BRPF1: variants seen among roughly 807,000 people sequenced by gnomAD.
The protein encoded by BRPF1 is peregrin.
In BRPF1, 15 loss-of-function variants were observed where a neutral mutation model predicts 115.0. The observed-to-expected ratio is 0.13, with a 90% CI of 0.09 to 0.20. The LOEUF (loss-of-function observed/expected upper bound fraction) is 0.20, where lower values mean the gene tolerates loss of function less well. BRPF1 is among the 10% of genes least tolerant of loss of function. The pLI is 1.00. For missense variants in BRPF1, 1,118 were observed against 1,638.3 expected, an observed-to-expected ratio of 0.68 and a Z score of 5.48; for synonymous variants, 647 against 619.8, an observed-to-expected ratio of 1.04 and a Z score of -0.65.
In BRPF1 at chr3:9,741,418, G is replaced by A. The variant is rs1366050757; in HGVS notation, c.1833G>A (p.Arg611=). The A allele has an allele frequency of 1.0e-5, 16 of 1,600,968 alleles. No homozygotes were observed. Among genetic ancestry groups the A allele is most frequent in the Non-Finnish European group, 1.4e-5 (16 of 1,172,302 alleles). Residue 611 remains arginine (R), a synonymous_variant, in exon 5 of 14, where the codon CGG becomes CGA. Coordinates refer to ENST00000383829, the MANE Select transcript of BRPF1 (RefSeq NM_001003694.2). ...TGCTCGTGGAATTGATCCGCAAGCGGGAAAAACTCAAAAGGGAGACGGTGA... is the reference window on the plus strand; with the variant it reads ...TGCTCGTGGAATTGATCCGCAAGCGAGAAAAACTCAAAAGGGAGACGGTGA... ...ARLLVELIRK[R]EKLKRETIKV...
chr3:9,734,829 A>T lies in BRPF1; in HGVS notation c.599+90A>T, dbSNP rs146140503. ...GGTGAGAGGCACAGATAGAAGAGTG[A>T]CAGGAATAAAGAATAGTGAAAGAAC... On this transcript the variant is annotated intron_variant, in intron 2 of 13. Transcript: ENST00000383829. The surrounding 1 kb of genome is among the most constrained non-coding windows in gnomAD (Gnocchi z 5.7). The T allele has an allele frequency of 7.4e-6, 11 of 1,486,158 alleles. No homozygotes were observed. The allele number at this position is 1,486,158 out of a possible 1,614,324, so 92.1% of individuals were successfully genotyped here.
rs1330136629 is a variant in BRPF1 at position 9,739,809 on chromosome 3, G to A, written c.1410G>A (p.Glu470=). ...GCGAGGGTGAGGAGGATGAAGATGA[G>A]GAGGAGGATGAGGGTAAGGGCTGGA... ...SHSEGEEDED[E]EEDEGKGWSS... is the part of the protein sequence containing the mutation. The change falls in exon 3 of 14, where the codon GAG becomes GAA. Residue 470 remains glutamate, a synonymous_variant. Coordinates refer to ENST00000383829, the MANE Select transcript of BRPF1 (RefSeq NM_001003694.2). 2 of 1,610,164 alleles carry A rather than the reference G, an allele frequency of 1.2e-6. No individual in the cohort carries two copies. Among genetic ancestry groups the A allele is most frequent in the African/African-American group, 2.7e-5 (2 of 74,828 alleles).
rs750360933 is a variant in BRPF1, at chr3:9,740,982, CA to C, written c.1722+42del. The C allele has an allele frequency of 6.3e-6, 10 of 1,578,534 alleles. No individual in the cohort carries two copies. The Admixed American group carries it at 1.8e-4, about 28-fold the overall frequency. ...CCCTGTGGGCTCTGGGAACTAGCGC[CA>C]GGGGGACGAAAACCAAAATTTGCAA... On this transcript the variant is annotated intron_variant, in intron 4 of 13. Coordinates refer to ENST00000383829, the MANE Select transcript of BRPF1 (RefSeq NM_001003694.2).
Position 9,745,717 on chromosome 3 carries a change from C to A in BRPF1, c.3205+8C>A, listed in dbSNP as rs2077113178. Reference sequence around the variant, plus strand: ...GCGGCGTGGGCCACAGCAGTAAGTTCCCTTGCCCAAGGCCAGGGATGCTGG... The same window carrying A: ...GCGGCGTGGGCCACAGCAGTAAGTTACCTTGCCCAAGGCCAGGGATGCTGG... On this transcript the variant is annotated splice_region_variant and intron_variant, in intron 11 of 13. Transcript: ENST00000383829. The surrounding 1 kb of genome is among the most constrained non-coding windows in gnomAD (Gnocchi z 5.1). 6.2e-7 allele frequency: 1 copy of A among 1,613,674 alleles called. No individual in the cohort carries two copies. The highest frequency in any genetic ancestry group is 8.5e-7 in the Non-Finnish European group (1 of 1,179,562).
At chr3:9,746,989 T>A (rs2077138484) in intron 13 of BRPF1, among the ~76,000 whole-genome samples, 177 bp from the exon 14 acceptor site, 1 of 152,082 alleles carries the variant, frequency 6.6e-6, no homozygotes. Flanking sequence ...CACCACACAG[T>A]ATAACTGTTG....
Position 9,743,506 on chromosome 3 carries a change from C to G in BRPF1, c.2312-72C>G. ...CCAGGGGGGATGAGTGGGTTTCTTG[C>G]TGCCTGCCCAGGTTCAAGGGGCCCT... On this transcript the variant is annotated intron_variant, in intron 7 of 13. Coordinates refer to ENST00000383829, the MANE Select transcript of BRPF1 (RefSeq NM_001003694.2). This position sits in a 1 kb window ranked among gnomAD's most constrained non-coding sequence, Gnocchi z 6.1. 1 of 1,506,600 alleles carries G rather than the reference C, an allele frequency of 6.6e-7. No homozygotes were observed. The highest frequency in any genetic ancestry group is 9.0e-7 in the Non-Finnish European group (1 of 1,112,592). The allele number at this position is 1,506,600 out of a possible 1,614,324, so 93.3% of individuals were successfully genotyped here. A position where few individuals can be genotyped will look rare whatever the true frequency, so the allele number is the denominator to read the frequency against.
chr3:9,745,421 G>GC lies in BRPF1; in HGVS notation c.3069-148dup. ...CCACCTCTGTTAGGTCATCAGCCTA[G>GC]CCCCTGTGGGTGTTTGAATTTGAAA... On this transcript the variant is annotated intron_variant, in intron 10 of 13. Transcript: ENST00000383829. The surrounding 1 kb of genome is among the most constrained non-coding windows in gnomAD (Gnocchi z 5.1). The GC allele has an allele frequency of 2.0e-6, 2 of 1,010,846 alleles. No homozygotes were observed. The allele number at this position is 1,010,846 out of a possible 1,614,324, so 62.6% of individuals were successfully genotyped here.
At position 9,742,115 on chromosome 3, in the gene BRPF1, A is replaced by C; in HGVS notation, c.1945A>C (p.Thr649Pro). Residue 649 changes from threonine to proline, a missense_variant, in exon 6 of 14, where the codon ACA becomes CCA. Physicochemically the swap from Thr to Pro is conservative, Grantham distance 38. Coordinates refer to ENST00000383829, the MANE Select transcript of BRPF1 (RefSeq NM_001003694.2). ...KTLEQLQEKD[T>P]GNIFSEPVPL... is the part of the protein sequence containing the mutation. ...CTTGGAGCAGCTCCAAGAGAAGGAC[A>C]CAGGCAACATCTTCAGCGAGCCGGT... The C allele has an allele frequency of 6.2e-7, 1 of 1,614,222 alleles. No individual in the cohort carries two copies. Among genetic ancestry groups the C allele is most frequent in the South Asian group, 1.1e-5 (1 of 91,084 alleles).
At chr3:9,737,590 C>G (rs762752983) in intron 2 of BRPF1, among the ~76,000 whole-genome samples, 34 of 152,364 alleles carry the variant, frequency 2.2e-4, no homozygotes, top group Non-Finnish European at 3.5e-4. Flanking sequence ...TTCCATTTCC[C>G]ACATAAGAGG....
chr3:9,742,377 C>T (rs1205125175), intron 6 of BRPF1: 1 of 985,312 alleles, frequency 1.0e-6, no homozygotes, highest in Non-Finnish European at 1.2e-6. Flanking sequence ...GCAGTCTGCA[C>T]TCCTTCCCCA....
At chr3:9,746,818 T>C (rs2077134610) in intron 13 of BRPF1, among the ~76,000 whole-genome samples, 1 of 152,232 alleles carries the variant, frequency 6.6e-6, no homozygotes, top group Non-Finnish European at 1.5e-5. Flanking sequence ...ATCCCTGTTC[T>C]GTCACATTTA....
rs566202477 is a variant in BRPF1 at position 9,738,973 on chromosome 3, T to A, written c.600-26T>A. 8.5e-6 allele frequency: 13 copies of A among 1,524,964 alleles called. No homozygotes were observed. In the South Asian group the frequency reaches 1.7e-4, roughly 20 times the overall value. The allele number at this position is 1,524,964 out of a possible 1,614,324, so 94.5% of individuals were successfully genotyped here. The stretch of plus-strand genomic sequence containing the variant: ...AGGGAGGGAAATCTCAACCATGTGA[T>A]GCTGAGTTCCCTGTTTGTACCGTAG... On this transcript the variant is annotated intron_variant, in intron 2 of 13. Transcript: ENST00000383829.
intron 2 of BRPF1, among the ~76,000 whole-genome samples, 168 bp from the exon 3 acceptor site, chr3:9,738,831 A>G (rs1296427938): frequency 6.6e-6 from 1 of 152,264 alleles, no homozygotes; most frequent in African/African-American, 2.4e-5. Flanking sequence ...TCAGCAAAAT[A>G]GAAACGATGA....
In BRPF1 at chr3:9,734,127, C is replaced by G. The variant is rs1482636980; in HGVS notation, c.-10-4C>G. 2 of 1,588,376 alleles carry G rather than the reference C, an allele frequency of 1.3e-6. No homozygotes were observed. Among genetic ancestry groups the G allele is most frequent in the East Asian group, 4.5e-5 (2 of 44,612 alleles). ...CCTTATGTTAACTGATCTGTGTATT[C>G]TAGATGTGACAGCATGGGGGTGGAC... On this transcript the variant is annotated splice_polypyrimidine_tract_variant and splice_region_variant and intron_variant, in intron 1 of 13. Coordinates refer to ENST00000383829, the MANE Select transcript of BRPF1 (RefSeq NM_001003694.2). The surrounding 1 kb of genome is among the most constrained non-coding windows in gnomAD (Gnocchi z 5.7).
At position 9,747,493 on chromosome 3, in the gene BRPF1, C is replaced by A; in HGVS notation, c.*144C>A. 1.0e-6 allele frequency: 1 copy of A among 961,018 alleles called. No homozygotes were observed. Among genetic ancestry groups the A allele is most frequent in the Non-Finnish European group, 1.5e-6 (1 of 645,522 alleles). The allele number at this position is 961,018 out of a possible 1,614,324, so 59.5% of individuals were successfully genotyped here. On this transcript the variant is annotated 3_prime_UTR_variant, in exon 14 of 14. Transcript: ENST00000383829. This position sits in a 1 kb window ranked among gnomAD's most constrained non-coding sequence, Gnocchi z 5.6. Reference sequence around the variant, plus strand: ...AGGGGAAGCTGGGTGGGGGAGGTCCCTCCTGCCCTAAGTGCAGCTGGACTG... The same window carrying A: ...AGGGGAAGCTGGGTGGGGGAGGTCCATCCTGCCCTAAGTGCAGCTGGACTG...
rs1278534881 is a variant in BRPF1 at position 9,741,964 on chromosome 3, T to TTTGC, written c.1855-61_1855-60insTTGC. 454 of 1,599,330 alleles carry TTTGC rather than the reference T, an allele frequency of 2.8e-4. 1 individual carries two copies. Among genetic ancestry groups the TTTGC allele is most frequent in the Admixed American group, 1.5e-3 (89 of 58,942 alleles). On this transcript the variant is annotated intron_variant, in intron 5 of 13. Transcript: ENST00000383829. ...TCCCAGGCCAGCTGGGACCATATCC[T>TTTGC]CAGACCTCTTTGCCACTGAACTGGC...
At position 9,745,132 on chromosome 3, in the gene BRPF1, C is replaced by T. The variant is rs1194036037; in HGVS notation, c.3045C>T (p.Ser1015=). 1 of 1,614,214 alleles carries T rather than the reference C, an allele frequency of 6.2e-7. No individual in the cohort carries two copies. The highest frequency in any genetic ancestry group is 8.5e-7 in the Non-Finnish European group (1 of 1,180,030). The change falls in exon 10 of 14, where the codon AGC becomes AGT. Residue 1015 remains serine (S), a synonymous_variant. Coordinates refer to ENST00000383829, the MANE Select transcript of BRPF1 (RefSeq NM_001003694.2). The surrounding 1 kb of genome is among the most constrained non-coding windows in gnomAD (Gnocchi z 5.1). The part of the protein sequence containing the change: ...SDSESSSSSS[S]SAASDRTSTT... ...CTGAGTCCAGCAGCAGTAGCAGTAGCAGCGCTGCTTCAGACCGGACCAGGT... is the reference window on the plus strand; with the variant it reads ...CTGAGTCCAGCAGCAGTAGCAGTAGTAGCGCTGCTTCAGACCGGACCAGGT...
intron 2 of BRPF1, among the ~76,000 whole-genome samples, chr3:9,737,898 C>G (rs973718551): frequency 1.1e-4 from 17 of 152,084 alleles, no homozygotes; most frequent in Admixed American, 6.6e-5. Flanking sequence ...TCCATATAAC[C>G]CTGACAGTTT....
At chr3:9,744,171 C>T in intron 8 of BRPF1, 53 bp from the exon 9 acceptor site, 1 of 1,498,446 alleles carries the variant, frequency 6.7e-7, no homozygotes, top group Non-Finnish European at 8.9e-7. Flanking sequence ...GGATATCTAC[C>T]CTTCTCAAAT....
Sources: allele counts gnomAD v4.1 joint callset (sites outside exome capture counted in the v4.1 genomes callset), GRCh38; gene constraint gnomAD v4.1.1; non-coding constraint Gnocchi (gnomAD v3.1); transcripts MANE v1.5; gene names NCBI Gene and HGNC (gene_info 2026-07-23, HGNC 2026-07-21).